CFAP95: variants seen among roughly 807,000 people sequenced by gnomAD.
CFAP95 encodes cilia- and flagella-associated protein 95.
the CFAP95 span, among the ~76,000 whole-genome samples, chr9:69,895,490 T>G: frequency 6.6e-6 from 1 of 152,050 alleles, no homozygotes; most frequent in Non-Finnish European, 1.5e-5. Flanking sequence ...CTATTTGATT[T>G]GATTTGATTC....
chr9:69,877,451 T>A, the CFAP95 span, among the ~76,000 whole-genome samples: 1 of 152,224 alleles, frequency 6.6e-6, no homozygotes, highest in South Asian at 2.1e-4. Flanking sequence ...CGTACATAAA[T>A]TATTTTACGT....
At chr9:69,865,102 A>G in the CFAP95 span, among the ~76,000 whole-genome samples, 8 of 152,192 alleles carry the variant, frequency 5.3e-5, no homozygotes, top group African/African-American at 1.7e-4. Context: ...CTTGATAGTG[A>G]GTGACTTCTC....
the CFAP95 span, among the ~76,000 whole-genome samples, chr9:69,889,895 G>A: frequency 6.6e-6 from 1 of 152,106 alleles, no homozygotes; most frequent in African/African-American, 2.4e-5. Context: ...AAAGTTGCAT[G>A]TATATTTTAT....
At chr9:69,851,261 T>C in the CFAP95 span, among the ~76,000 whole-genome samples, 4 of 152,144 alleles carry the variant, frequency 2.6e-5, no homozygotes, top group African/African-American at 9.7e-5. Flanking sequence ...ATTTTTTGCC[T>C]CCACTGCCTA....
the CFAP95 span, among the ~76,000 whole-genome samples, chr9:69,856,830 C>A: frequency 0.21 from 32,307 of 151,736 alleles, 4,052 homozygotes; most frequent in Non-Finnish European, 0.27. Context: ...GCTGTTCTCT[C>A]TGTTTGGGAG....
At chr9:69,878,854 T>A in the CFAP95 span, among the ~76,000 whole-genome samples, 1 of 152,232 alleles carries the variant, frequency 6.6e-6, no homozygotes, top group Non-Finnish European at 1.5e-5. Context: ...TGCTGGCATC[T>A]GCTCAGCTTC....
chr9:69,897,483 A>G, the CFAP95 span, among the ~76,000 whole-genome samples: 3 of 152,224 alleles, frequency 2.0e-5, no homozygotes, highest in African/African-American at 7.2e-5. Flanking sequence ...CAGAGTTACT[A>G]CGTTCCAGAA....
the CFAP95 span, among the ~76,000 whole-genome samples, chr9:69,870,094 C>T: frequency 6.6e-6 from 1 of 152,030 alleles, no homozygotes; most frequent in Non-Finnish European, 1.5e-5. Context: ...AATTATTACC[C>T]AAACATATAA....
At chr9:69,850,447 G>A in the CFAP95 span, among the ~76,000 whole-genome samples, 2 of 152,252 alleles carry the variant, frequency 1.3e-5, no homozygotes, top group South Asian at 2.1e-4. Context: ...AGCCAAATAA[G>A]CCTAAATCTG....
the CFAP95 span, among the ~76,000 whole-genome samples, chr9:69,876,805 T>C: frequency 4.1e-4 from 62 of 152,168 alleles, no homozygotes; most frequent in Non-Finnish European, 8.8e-4. Flanking sequence ...TGGCTAATTT[T>C]TGTATTTTTA....
At chr9:69,868,142 A>G in the CFAP95 span, among the ~76,000 whole-genome samples, 1 of 152,138 alleles carries the variant, frequency 6.6e-6, no homozygotes, top group Non-Finnish European at 1.5e-5. Context: ...GGGACTGATG[A>G]GCTAATAAAA....
At chr9:69,888,257 A>G in the CFAP95 span, among the ~76,000 whole-genome samples, 1 of 152,166 alleles carries the variant, frequency 6.6e-6, no homozygotes, top group Non-Finnish European at 1.5e-5. Context: ...TAAGGGGTTT[A>G]GGACGCCACC....
the CFAP95 span, among the ~76,000 whole-genome samples, chr9:69,849,535 A>T: frequency 6.6e-6 from 1 of 152,176 alleles, no homozygotes; most frequent in Admixed American, 6.6e-5. Context: ...CCTAGGGGAA[A>T]TGGGAACACA....
chr9:69,860,694 C>T, the CFAP95 span, among the ~76,000 whole-genome samples: 2 of 149,018 alleles, frequency 1.3e-5, no homozygotes. Context: ...TATTTTCTTT[C>T]TTTATATCCC....
chr9:69,885,722 C>T, the CFAP95 span, among the ~76,000 whole-genome samples: 2 of 152,114 alleles, frequency 1.3e-5, no homozygotes, highest in Non-Finnish European at 1.5e-5. Flanking sequence ...ATCTGGCTGT[C>T]CTCCACTATT....
chr9:69,870,201 A>G, the CFAP95 span, among the ~76,000 whole-genome samples: 3 of 152,228 alleles, frequency 2.0e-5, no homozygotes, highest in Non-Finnish European at 4.4e-5. Flanking sequence ...CAATAGAACC[A>G]TTTAATGACT....
At chr9:69,901,558 A>C in the CFAP95 span, among the ~76,000 whole-genome samples, 12 of 150,422 alleles carry the variant, frequency 8.0e-5, no homozygotes, top group Admixed American at 4.6e-4. Context: ...CACGGTGTAT[A>C]TGCGCCACAT....
chr9:69,847,533 C>T, the CFAP95 span, among the ~76,000 whole-genome samples: 1 of 152,328 alleles, frequency 6.6e-6, no homozygotes, highest in African/African-American at 2.4e-5. Flanking sequence ...TGCTACACTG[C>T]ACCTTCCTTG....
the CFAP95 span, among the ~76,000 whole-genome samples, chr9:69,857,336 C>A: frequency 3.9e-5 from 6 of 152,230 alleles, no homozygotes; most frequent in Middle Eastern, 6.8e-3. Context: ...GCCTCCCCAT[C>A]GAAGTGTATG....
Sources: allele counts gnomAD v4.1 joint callset (sites outside exome capture counted in the v4.1 genomes callset), GRCh38; gene constraint gnomAD v4.1.1; transcripts MANE v1.5; gene names NCBI Gene and HGNC (gene_info 2026-07-23, HGNC 2026-07-21).